SLC24A2: variants seen among roughly 807,000 people sequenced by gnomAD.
The protein encoded by SLC24A2 is solute carrier family 24 member 2.
A neutral mutation model predicts 62.0 loss-of-function variants in SLC24A2; 36 were observed. That is an observed-to-expected ratio of 0.58 (90% confidence interval 0.44 to 0.77). SLC24A2 has a LOEUF of 0.77. Among genes scored for constraint, SLC24A2 ranks in the 30% least tolerant of loss-of-function variants. The pLI is 0.00. For missense variants in SLC24A2, 846 were observed against 817.9 expected, an observed-to-expected ratio of 1.03 and a Z score of -0.42; for synonymous variants, 358 against 294.0, an observed-to-expected ratio of 1.22 and a Z score of -2.23.
the SLC24A2 span, among the ~76,000 whole-genome samples, chr9:19,795,260 G>A: frequency 6.6e-6 from 1 of 152,018 alleles, no homozygotes; most frequent in African/African-American, 2.4e-5. Context: ...TGTGTGAGCA[G>A]GCACCCCCCA....
intron 2 of SLC24A2, among the ~76,000 whole-genome samples, chr9:19,747,267 T>C (rs1197683936): frequency 6.6e-6 from 1 of 152,096 alleles, no homozygotes; most frequent in Non-Finnish European, 1.5e-5. Flanking sequence ...GTTTGATATC[T>C]ATCATTCCCA....
At chr9:19,559,383 G>T (rs1267787383) in intron 7 of SLC24A2, among the ~76,000 whole-genome samples, 1 of 152,108 alleles carries the variant, frequency 6.6e-6, no homozygotes, top group African/African-American at 2.4e-5. Flanking sequence ...TAAATAGAAA[G>T]CCTTTGTAAA....
the SLC24A2 span, among the ~76,000 whole-genome samples, chr9:19,910,012 C>T: frequency 4.6e-5 from 7 of 152,084 alleles, no homozygotes; most frequent in Non-Finnish European, 7.4e-5. Context: ...TGAGTGCTTA[C>T]CAAGGGCAAG....
At chr9:20,143,531 C>T in the SLC24A2 span, among the ~76,000 whole-genome samples, 1 of 152,170 alleles carries the variant, frequency 6.6e-6, no homozygotes, top group Non-Finnish European at 1.5e-5. Flanking sequence ...AGAGAAAAAA[C>T]TATAAGCTTC....
chr9:19,964,094 T>C, the SLC24A2 span, among the ~76,000 whole-genome samples: 7 of 151,680 alleles, frequency 4.6e-5, no homozygotes, highest in Non-Finnish European at 8.8e-5. Flanking sequence ...TTGGAAATCA[T>C]CATACTCAGT....
At chr9:20,072,998 G>A in the SLC24A2 span, among the ~76,000 whole-genome samples, 14 of 152,132 alleles carry the variant, frequency 9.2e-5, no homozygotes, top group African/African-American at 3.4e-4. Context: ...ATCACACACA[G>A]CCCCACTCAC....
intron 8 of SLC24A2, among the ~76,000 whole-genome samples, chr9:19,548,596 G>T (rs185192975): frequency 6.4e-4 from 98 of 152,290 alleles, no homozygotes; most frequent in African/African-American, 2.3e-3. Context: ...GATCAAGAAG[G>T]TATTAGACCA....
At chr9:20,204,742 CTT>C in the SLC24A2 span, among the ~76,000 whole-genome samples, 72 of 132,174 alleles carry the variant, frequency 5.4e-4, no homozygotes, top group African/African-American at 1.4e-3. Flanking sequence ...AAAAGTATAA[CTT>C]TTTTTTTTTT....
At chr9:19,615,914 C>G (rs1817754843) in intron 4 of SLC24A2, among the ~76,000 whole-genome samples, 5 of 151,782 alleles carry the variant, frequency 3.3e-5, no homozygotes, top group Admixed American at 3.3e-4. Flanking sequence ...CTACCAGAAA[C>G]TGAATTCTTC....
chr9:19,830,588 G>A, the SLC24A2 span, among the ~76,000 whole-genome samples: 1 of 152,174 alleles, frequency 6.6e-6, no homozygotes, highest in Non-Finnish European at 1.5e-5. Context: ...AGGGTAGAAT[G>A]AAATTGACTG....
At chr9:19,685,759 A>G (rs939859914) in intron 2 of SLC24A2, among the ~76,000 whole-genome samples, 1 of 152,144 alleles carries the variant, frequency 6.6e-6, no homozygotes, top group African/African-American at 2.4e-5. Flanking sequence ...TACTCCATAC[A>G]CAAAAATCAA....
chr9:19,646,235 C>T (rs1587089444), intron 2 of SLC24A2, among the ~76,000 whole-genome samples: 2 of 152,334 alleles, frequency 1.3e-5, no homozygotes, highest in South Asian at 4.1e-4. Flanking sequence ...TTCTTTTCCT[C>T]ACAAACTAAA....
the SLC24A2 span, among the ~76,000 whole-genome samples, chr9:20,149,330 G>C: frequency 6.6e-6 from 1 of 151,966 alleles, no homozygotes; most frequent in African/African-American, 2.4e-5. Flanking sequence ...CAACAATGAG[G>C]AGACTTTTTG....
At chr9:19,945,976 A>G in the SLC24A2 span, among the ~76,000 whole-genome samples, 2 of 152,208 alleles carry the variant, frequency 1.3e-5, no homozygotes, top group Non-Finnish European at 2.9e-5. Context: ...TCTCAAATAC[A>G]GTAGAGAAGA....
At chr9:19,648,939 C>A (rs1378401299) in intron 2 of SLC24A2, among the ~76,000 whole-genome samples, 1 of 144,704 alleles carries the variant, frequency 6.9e-6, no homozygotes, top group East Asian at 2.1e-4. Context: ...ACTGTCTTGG[C>A]CTAAAGATAT....
chr9:19,670,379 C>G (rs1056176686), intron 2 of SLC24A2, among the ~76,000 whole-genome samples: 13 of 152,132 alleles, frequency 8.5e-5, no homozygotes, highest in Admixed American at 5.2e-4. Context: ...TTAATGTAAT[C>G]TTACAAAAAT....
chr9:19,550,655 C>CT (rs1449078740), intron 7 of SLC24A2, among the ~76,000 whole-genome samples: 2 of 151,822 alleles, frequency 1.3e-5, no homozygotes, highest in Non-Finnish European at 2.9e-5. Context: ...GAGTCACAAG[C>CT]TTTCAGGCTC....
the SLC24A2 span, among the ~76,000 whole-genome samples, chr9:20,068,807 G>C: frequency 8.7e-4 from 133 of 152,240 alleles, no homozygotes; most frequent in African/African-American, 2.8e-3. Context: ...GACAAGTTTT[G>C]AAAATGAACT....
intron 2 of SLC24A2, among the ~76,000 whole-genome samples, chr9:19,642,934 C>T (rs1166443689): frequency 4.7e-5 from 7 of 148,074 alleles, no homozygotes; most frequent in African/African-American, 1.8e-4. Flanking sequence ...CCCGCCTTGG[C>T]TTCCCAAAGT....
Sources: allele counts gnomAD v4.1 joint callset (sites outside exome capture counted in the v4.1 genomes callset), GRCh38; gene constraint gnomAD v4.1.1; transcripts MANE v1.5; gene names NCBI Gene and HGNC (gene_info 2026-07-23, HGNC 2026-07-21).